The following NDRG4 variants were observed in gnomAD, a reference collection of about 807,000 sequenced individuals.
The protein encoded by NDRG4 is protein NDRG4.
NDRG4 carries 38 observed loss-of-function variants against 55.8 expected under a neutral mutation model. That is an observed-to-expected ratio of 0.68 (90% CI 0.53 to 0.89). NDRG4 has a LOEUF of 0.89. NDRG4 is among the 40% of genes least tolerant of loss of function. The pLI is 0.00. For synonymous variants in NDRG4, 190 were observed against 182.7 expected, an observed-to-expected ratio of 1.04 and a Z score of -0.32; for missense variants, 455 against 468.6, an observed-to-expected ratio of 0.97 and a Z score of 0.27.
chr16:58,506,546 T>C lies in NDRG4; in HGVS notation c.460-12T>C. Reference sequence around the variant, plus strand: ...AGGGGCGGCACTCACGCTGGCGCCCTGCTCCCTGCAGCTCTCCGGCCTAAC... The same window carrying C: ...AGGGGCGGCACTCACGCTGGCGCCCCGCTCCCTGCAGCTCTCCGGCCTAAC... On this transcript the variant is annotated splice_polypyrimidine_tract_variant and intron_variant, in intron 6 of 14. Transcript: ENST00000570248. 3 of 1,599,498 alleles carry C rather than the reference T, an allele frequency of 1.9e-6. No individual in the cohort carries two copies. Among genetic ancestry groups the C allele is most frequent in the Non-Finnish European group, 2.6e-6 (3 of 1,174,436 alleles).
upstream of NDRG4, among the ~76,000 whole-genome samples, chr16:58,498,870 C>G (rs181879375): frequency 1.3e-5 from 2 of 152,330 alleles, no homozygotes; most frequent in East Asian, 1.9e-4. Flanking sequence ...AGGTCTGCCA[C>G]TTCTTTGCTG....
chr16:58,499,225 C>T (rs1240114502), upstream of NDRG4: 1 of 152,290 alleles, frequency 6.6e-6, no homozygotes, highest in Non-Finnish European at 1.5e-5. Flanking sequence ...GTGTTCTGCT[C>T]CCCAGAGACC....
chr16:58,511,674 G>A lies in NDRG4; in HGVS notation c.*98G>A. 1 of 1,449,036 alleles carries A rather than the reference G, an allele frequency of 6.9e-7. No individual in the cohort carries two copies. Among genetic ancestry groups the A allele is most frequent in the Non-Finnish European group, 9.7e-7 (1 of 1,033,362 alleles). The allele number at this position is 1,449,036 out of a possible 1,614,324, so 89.8% of individuals were successfully genotyped here. ...AGTTTATTTTTGTGAGGGCAAAGGG[G>A]AGGAAATGGGGTTCTGTTTGAAAAA... On this transcript the variant is annotated 3_prime_UTR_variant, in exon 15 of 15. Transcript: ENST00000570248.
intron 10 of NDRG4, among the ~76,000 whole-genome samples, chr16:58,508,365 G>A (rs186040569): frequency 3.9e-5 from 6 of 152,296 alleles, no homozygotes; most frequent in South Asian, 2.1e-4. Flanking sequence ...CGCATACAGC[G>A]GCACGGTCTC....
chr16:58,485,925 T>C (rs2035035358), intron 1 of NDRG4, among the ~76,000 whole-genome samples: 1 of 152,208 alleles, frequency 6.6e-6, no homozygotes. Context: ...AGAATTCTTA[T>C]AGATAAATTA....
intron 1 of NDRG4, among the ~76,000 whole-genome samples, chr16:58,502,555 T>C (rs897865043): frequency 1.3e-5 from 2 of 152,242 alleles, no homozygotes; most frequent in Non-Finnish European, 2.9e-5. Context: ...CCACTAATGC[T>C]GGCCCCTGAG....
At chr16:58,487,556 T>G (rs906333820) in intron 1 of NDRG4, among the ~76,000 whole-genome samples, 1 of 152,110 alleles carries the variant, frequency 6.6e-6, no homozygotes, top group African/African-American at 2.4e-5. Flanking sequence ...ACAAATACTA[T>G]AATGGTATCC....
At chr16:58,505,419 C>CAAAAAAAAAA (rs374142391) in intron 5 of NDRG4, among the ~76,000 whole-genome samples, 1 of 81,930 alleles carries the variant, frequency 1.2e-5, no homozygotes, top group Non-Finnish European at 2.5e-5. Context: ...TAAAAACAAG[C>CAAAAAAAAAA]AAAAAAAAAA....
At chr16:58,498,794 T>C (rs1017030304), upstream of NDRG4, among the ~76,000 whole-genome samples, 1 of 152,124 alleles carries the variant, frequency 6.6e-6, no homozygotes, top group Non-Finnish European at 1.5e-5. Context: ...TTCTGGCAGT[T>C]GTGCAGTTAT....
chr16:58,491,921 A>G (rs1010142999), intron 2 of NDRG4, among the ~76,000 whole-genome samples: 1 of 152,132 alleles, frequency 6.6e-6, no homozygotes, highest in Non-Finnish European at 1.5e-5. Flanking sequence ...AGCTGGGACT[A>G]CAGGCATGCA....
chr16:58,488,504 T>C (rs1224263649), intron 2 of NDRG4, among the ~76,000 whole-genome samples: 1 of 152,154 alleles, frequency 6.6e-6, no homozygotes, highest in Non-Finnish European at 1.5e-5. Context: ...TCAAAAAGTG[T>C]GGGTTCCCTG....
intron 1 of NDRG4, among the ~76,000 whole-genome samples, chr16:58,484,354 C>T (rs1044193367): frequency 1.3e-5 from 2 of 152,130 alleles, no homozygotes; most frequent in Admixed American, 6.5e-5. Context: ...GCCTGGGCGA[C>T]AGAGTAAGAA....
intron 1 of NDRG4, among the ~76,000 whole-genome samples, chr16:58,469,605 C>T (rs2032379309): frequency 6.6e-6 from 1 of 152,188 alleles, no homozygotes. Flanking sequence ...CTGGAAACAA[C>T]CTAAATGCGT....
intron 1 of NDRG4, among the ~76,000 whole-genome samples, chr16:58,479,402 G>T (rs1316936661): frequency 2.6e-5 from 4 of 152,160 alleles, no homozygotes; most frequent in African/African-American, 9.7e-5. Flanking sequence ...CCTCCACTCG[G>T]CTGTGCAGTG....
Position 58,464,477 on chromosome 16 carries a change from G to T in NDRG4, c.-24+680G>T, listed in dbSNP as rs545169383. 3 of 1,315,696 alleles carry T rather than the reference G, an allele frequency of 2.3e-6. No individual in the cohort carries two copies. The highest frequency in any genetic ancestry group is 3.1e-5 in the East Asian group (1 of 31,914). The allele number at this position is 1,315,696 out of a possible 1,614,324, so 81.5% of individuals were successfully genotyped here. The stretch of plus-strand genomic sequence containing the variant: ...CTGGAGCTGCTCACAGGTACCGCCC[G>T]CCTGCCCCGCAGCCGGCCGCCACTT... On this transcript the variant is annotated intron_variant, in intron 1 of 15. Transcript: ENST00000258187. The surrounding 1 kb of genome is among the most constrained non-coding windows in gnomAD (Gnocchi z 4.8).
upstream of NDRG4, among the ~76,000 whole-genome samples, chr16:58,496,173 G>A (rs953659762): frequency 5.3e-5 from 8 of 152,114 alleles, no homozygotes; most frequent in South Asian, 2.1e-4. Context: ...ACAGGCCCAC[G>A]GTGTGGGGGA....
chr16:58,488,468 A>G (rs1344958567), intron 2 of NDRG4, among the ~76,000 whole-genome samples: 1 of 152,118 alleles, frequency 6.6e-6, no homozygotes, highest in Non-Finnish European at 1.5e-5. Context: ...GTGCCGTCAT[A>G]CTGGTGACTG....
downstream of NDRG4, among the ~76,000 whole-genome samples, chr16:58,513,792 T>C (rs2039028038): frequency 6.6e-6 from 1 of 152,008 alleles, no homozygotes; most frequent in Non-Finnish European, 1.5e-5. Flanking sequence ...ACCCCGTCTC[T>C]ACTAAAAATA....
chr16:58,511,635 C>T lies in NDRG4; in HGVS notation c.*59C>T, dbSNP rs763543402. On this transcript the variant is annotated 3_prime_UTR_variant, in exon 15 of 15. Coordinates refer to ENST00000570248, the MANE Select transcript of NDRG4 (RefSeq NM_001242835.2). ...GGCCCCACCGCCATCCTTGCGCCGG[C>T]TCATGTTCCCTTTAGTTTATTTTTG... 4 of 1,602,984 alleles carry T rather than the reference C, an allele frequency of 2.5e-6. No individual in the cohort carries two copies. The highest frequency in any genetic ancestry group is 3.4e-6 in the Non-Finnish European group (4 of 1,171,116).
Sources: allele counts gnomAD v4.1 joint callset (sites outside exome capture counted in the v4.1 genomes callset), GRCh38; gene constraint gnomAD v4.1.1; non-coding constraint Gnocchi (gnomAD v3.1); transcripts MANE v1.5; gene names NCBI Gene and HGNC (gene_info 2026-07-23, HGNC 2026-07-21).